The following SLC4A10 variants were observed in gnomAD, a reference collection of about 807,000 sequenced individuals.
The protein encoded by SLC4A10 is solute carrier family 4 member 10.
Under a neutral mutation model 137.7 loss-of-function variants are expected in SLC4A10, and 42 were observed. That is an observed-to-expected ratio of 0.30 (90% CI 0.24 to 0.39). SLC4A10 has a LOEUF of 0.39. Among genes scored for constraint, SLC4A10 ranks in the 10% least tolerant of loss-of-function variants. The pLI, the probability that SLC4A10 is intolerant of heterozygous loss-of-function variation, is 1.00. For synonymous variants in SLC4A10, 474 were observed against 464.1 expected, an observed-to-expected ratio of 1.02 and a Z score of -0.27; for missense variants, 925 against 1,355.0, an observed-to-expected ratio of 0.68 and a Z score of 4.98.
intron 15 of SLC4A10, among the ~76,000 whole-genome samples, chr2:161,942,231 A>C (rs888307477): frequency 3.9e-5 from 6 of 152,308 alleles, no homozygotes; most frequent in African/African-American, 1.4e-4. Flanking sequence ...CTTCTCTATG[A>C]AAATGCTTTA....
At chr2:161,851,730 T>C (rs1017616185) in intron 4 of SLC4A10, among the ~76,000 whole-genome samples, 3 of 152,272 alleles carry the variant, frequency 2.0e-5, no homozygotes, top group South Asian at 2.1e-4. Context: ...GTGAATTTGT[T>C]ATTAATGTTA....
chr2:161,880,008 A>C (rs1333576384), intron 9 of SLC4A10, among the ~76,000 whole-genome samples: 1 of 152,186 alleles, frequency 6.6e-6, no homozygotes, highest in Non-Finnish European at 1.5e-5. Context: ...AAAAGATAAA[A>C]AAAAGAAAGG....
intron 3 of SLC4A10, among the ~76,000 whole-genome samples, chr2:161,827,759 G>T (rs13036052): frequency 0.013 from 2,026 of 152,150 alleles, 30 homozygotes; most frequent in Admixed American, 0.02. Flanking sequence ...TAGAGACGGG[G>T]TTTCGCCATG....
At chr2:161,684,043 C>T (rs951959261) in intron 1 of SLC4A10, among the ~76,000 whole-genome samples, 2 of 152,128 alleles carry the variant, frequency 1.3e-5, no homozygotes, top group African/African-American at 4.8e-5. Context: ...AACTCCCATT[C>T]CCTTCTTCCC....
intron 10 of SLC4A10, among the ~76,000 whole-genome samples, chr2:161,885,426 C>T (rs2062183006): frequency 6.6e-6 from 1 of 152,102 alleles, no homozygotes; most frequent in African/African-American, 2.4e-5. Context: ...GTTCTGTTTT[C>T]TTTCCCTTCT....
At chr2:161,804,023 A>G (rs566731745) in intron 2 of SLC4A10, among the ~76,000 whole-genome samples, 2 of 152,296 alleles carry the variant, frequency 1.3e-5, no homozygotes, top group East Asian at 3.9e-4. Context: ...TGGCATTAAC[A>G]TAGACCTTAG....
chr2:161,790,030 T>C (rs979005439), intron 2 of SLC4A10, among the ~76,000 whole-genome samples: 1 of 152,158 alleles, frequency 6.6e-6, no homozygotes, highest in Admixed American at 6.5e-5. Flanking sequence ...TTAAATGACT[T>C]AAATAGGTCA....
At chr2:161,820,923 GT>G (rs1382951649) in intron 3 of SLC4A10, among the ~76,000 whole-genome samples, 3 of 152,056 alleles carry the variant, frequency 2.0e-5, no homozygotes, top group Non-Finnish European at 4.4e-5. Flanking sequence ...GAGAACTTAT[GT>G]TTTTTTGCAT....
At chr2:161,691,048 A>G (rs2041938342) in intron 1 of SLC4A10, among the ~76,000 whole-genome samples, 2 of 152,164 alleles carry the variant, frequency 1.3e-5, no homozygotes, top group African/African-American at 4.8e-5. Flanking sequence ...TATAGACACT[A>G]TATATGTACA....
chr2:161,856,358 AACACACACACACACACACAC>A (rs55983659), intron 5 of SLC4A10, among the ~76,000 whole-genome samples: 9,105 of 141,916 alleles, frequency 0.064, 364 homozygotes, highest in East Asian at 0.14. Context: ...AAAATACTAA[AACACACACACACACACACAC>A]ACACACACAC....
chr2:161,957,385 TC>T, intron 20 of SLC4A10, 145 bp downstream of exon 20: 2 of 1,023,808 alleles, frequency 2.0e-6, no homozygotes, highest in South Asian at 3.5e-5. Context: ...TTTATATAAT[TC>T]TTCATAACCT....
intron 3 of SLC4A10, among the ~76,000 whole-genome samples, chr2:161,835,231 A>T (rs1007088680): frequency 2.0e-5 from 3 of 151,766 alleles, no homozygotes; most frequent in Admixed American, 2.0e-4. Context: ...TAGAGATGGG[A>T]TTTCACCATG....
intron 9 of SLC4A10, among the ~76,000 whole-genome samples, chr2:161,880,742 G>GTTA (rs1219384638): frequency 6.6e-6 from 1 of 152,108 alleles, no homozygotes; most frequent in Non-Finnish European, 1.5e-5. Context: ...TAATGGTAGA[G>GTTA]TTACTATTAT....
At chr2:161,660,614 TTC>T (rs1491414618) in intron 1 of SLC4A10, among the ~76,000 whole-genome samples, 5 of 148,032 alleles carry the variant, frequency 3.4e-5, no homozygotes, top group African/African-American at 1.2e-4. Flanking sequence ...CTTTCTTTCT[TTC>T]TTTCTTTCTT....
At chr2:161,697,958 T>C (rs1319308289) in intron 1 of SLC4A10, among the ~76,000 whole-genome samples, 5 of 152,232 alleles carry the variant, frequency 3.3e-5, no homozygotes, top group African/African-American at 4.8e-5. Flanking sequence ...GTTTTTCCAT[T>C]TGTTTGTGTC....
At chr2:161,757,063 A>C (rs1054741920) in intron 1 of SLC4A10, among the ~76,000 whole-genome samples, 1 of 152,294 alleles carries the variant, frequency 6.6e-6, no homozygotes, top group South Asian at 2.1e-4. Context: ...AGCAAAAGCT[A>C]AACATTGAGT....
intron 1 of SLC4A10, among the ~76,000 whole-genome samples, chr2:161,651,993 A>G (rs1287172619): frequency 6.6e-6 from 1 of 152,180 alleles, no homozygotes; most frequent in African/African-American, 2.4e-5. Flanking sequence ...GACAATATCA[A>G]CCTGACTTAT....
At chr2:161,758,936 A>G (rs965717405) in intron 1 of SLC4A10, among the ~76,000 whole-genome samples, 2 of 152,002 alleles carry the variant, frequency 1.3e-5, no homozygotes, top group Non-Finnish European at 2.9e-5. Flanking sequence ...TTCATCTAGA[A>G]AACAACTTAA....
intron 1 of SLC4A10, among the ~76,000 whole-genome samples, chr2:161,764,611 A>T (rs1234016134): frequency 6.6e-6 from 1 of 152,174 alleles, no homozygotes; most frequent in Non-Finnish European, 1.5e-5. Context: ...ACCATGGGCA[A>T]GAGTTACAGT....
Sources: gnomAD v4.1 joint callset for allele counts (sites outside exome capture counted in the v4.1 genomes callset) on GRCh38, gnomAD v4.1.1 for gene constraint, MANE v1.5 for transcripts, NCBI Gene and HGNC (gene_info 2026-07-23, HGNC 2026-07-21) for gene names.